Variants in LIMK2 observed in about 807,000 individuals in gnomAD.
LIMK2 encodes the protein LIM domain kinase 2.
A neutral mutation model predicts 75.7 loss-of-function variants in LIMK2; 35 were observed. The observed-to-expected ratio is 0.46, with a 90% confidence interval of 0.35 to 0.61. The LOEUF is 0.61. LIMK2 is among the 20% of genes least tolerant of loss of function. LIMK2 has a pLI of 0.00. For missense variants in LIMK2, 623 were observed against 831.0 expected, an observed-to-expected ratio of 0.75 and a Z score of 3.08; for synonymous variants, 301 against 319.2, an observed-to-expected ratio of 0.94 and a Z score of 0.61.
chr22:31,272,627 C>T lies in LIMK2; in HGVS notation c.1481C>T (p.Thr494Ile), dbSNP rs2048971039. ...PMEKATTKKR[T>I]LRKNDRKKRY... Reference sequence around the variant, plus strand: ...GAGAAGGCCACCACCAAGAAACGCACCTTGCGCAAGAACGACCGCAAGAAG... The same window carrying T: ...GAGAAGGCCACCACCAAGAAACGCATCTTGCGCAAGAACGACCGCAAGAAG... Residue 494 changes from threonine to isoleucine, a missense_variant, in exon 13 of 16, where the codon ACC becomes ATC. Thr to Ile is a moderately conservative substitution (Grantham distance 89). Coordinates refer to ENST00000331728, the MANE Select transcript of LIMK2 (RefSeq NM_005569.4). 1.2e-6 allele frequency: 2 copies of T among 1,614,022 alleles called. No individual in the cohort carries two copies. Among genetic ancestry groups the T allele is most frequent in the East Asian group, 4.5e-5 (2 of 44,850 alleles).
At chr22:31,275,493 A>AG in intron 15 of LIMK2, 185 bp downstream of exon 15, 1 of 600,046 alleles carries the variant, frequency 1.7e-6, no homozygotes, top group Non-Finnish European at 2.9e-6. Context: ...AGGTAAAGAC[A>AG]TAGCAGCAAG....
intron 1 of LIMK2, among the ~76,000 whole-genome samples, chr22:31,215,842 T>TA (rs1342953923): frequency 2.0e-5 from 3 of 152,226 alleles, no homozygotes; most frequent in African/African-American, 4.8e-5. Context: ...GACAAGCTGT[T>TA]ATAAGGCTTG....
rs1330501581 is a variant in LIMK2, at chr22:31,256,144, G to A, written c.117-2147G>A. Among the ~76,000 whole-genome samples the A allele has an allele frequency of 3.3e-5, 5 of 150,670 alleles. No individual in the cohort carries two copies. In the East Asian group the frequency reaches 9.7e-4, roughly 29 times the overall value. On this transcript the variant is annotated intron_variant, in intron 2 of 15. Coordinates refer to ENST00000331728, the MANE Select transcript of LIMK2 (RefSeq NM_005569.4). ...CTCCTGAGTAGCTGGGACTACCAGT[G>A]CACGCCACCACGCCCGGCTAATTTT...
chr22:31,235,244 G>A (rs945887854), intron 2 of LIMK2, among the ~76,000 whole-genome samples: 1 of 152,110 alleles, frequency 6.6e-6, no homozygotes, highest in South Asian at 2.1e-4. Context: ...TGTAAGTCAG[G>A]CTTTTCCCTG....
intron 2 of LIMK2, among the ~76,000 whole-genome samples, chr22:31,249,346 G>A (rs1196410463): frequency 2.6e-5 from 4 of 152,148 alleles, no homozygotes; most frequent in East Asian, 1.9e-4. Flanking sequence ...AGACCTGGGC[G>A]AGTGCTTCTA....
chr22:31,265,860 G>GGT, intron 7 of LIMK2, 86 bp from the exon 8 acceptor site: 1 of 1,022,034 alleles, frequency 9.8e-7, no homozygotes, highest in Non-Finnish European at 1.5e-6. Context: ...GGAATGAACA[G>GGT]GTGCCCCTAA....
At chr22:31,268,311 G>GT in intron 11 of LIMK2, 111 bp downstream of exon 11, 4 of 863,964 alleles carry the variant, frequency 4.6e-6, no homozygotes, top group South Asian at 4.0e-5. Flanking sequence ...TGTGGGCTGG[G>GT]TCAGCAGCTA....
intron 7 of LIMK2, 145 bp from the exon 8 acceptor site, chr22:31,265,801 G>A: frequency 4.7e-6 from 3 of 638,356 alleles, no homozygotes; most frequent in Non-Finnish European, 8.1e-6. Flanking sequence ...TGATACATCT[G>A]ATGTAAGAGC....
chr22:31,241,263 T>A (rs2048621620), intron 2 of LIMK2, among the ~76,000 whole-genome samples: 1 of 152,218 alleles, frequency 6.6e-6, no homozygotes, highest in Non-Finnish European at 1.5e-5. Flanking sequence ...AAATAGTTAT[T>A]TGAGGCAGTT....
intron 5 of LIMK2, among the ~76,000 whole-genome samples, chr22:31,260,971 A>G (rs1568997131): frequency 6.6e-6 from 1 of 152,186 alleles, no homozygotes; most frequent in Non-Finnish European, 1.5e-5. Flanking sequence ...GATCACTGGT[A>G]TGGAGGTTGG....
intron 11 of LIMK2, among the ~76,000 whole-genome samples, chr22:31,269,616 A>G (rs903439984): frequency 1.3e-5 from 2 of 151,926 alleles, no homozygotes; most frequent in Non-Finnish European, 2.9e-5. Context: ...AAAGAAAAAA[A>G]TGCAAAAATT....
chr22:31,244,806 T>G (rs1465786522), intron 2 of LIMK2, among the ~76,000 whole-genome samples: 1 of 152,222 alleles, frequency 6.6e-6, no homozygotes, highest in Admixed American at 6.5e-5. Context: ...AGGGCTTACA[T>G]GCAGTGCATT....
chr22:31,267,796 G>A lies in LIMK2; in HGVS notation c.1149G>A (p.Leu383=). 1.9e-6 allele frequency: 3 copies of A among 1,605,324 alleles called. 1 individual carries two copies. In the South Asian group the frequency reaches 3.3e-5, roughly 18 times the overall value. ...FLTEVKVMRS[L]DHPNVLKFIG... ...CCCAGGTGAAAGTGATGCGCAGCCT[G>A]GACCACCCCAATGTGCTCAAGTTCA... Residue 383 remains leucine (L), a synonymous_variant, in exon 10 of 16, where the codon CTG becomes CTA. Transcript: ENST00000331728.
At position 31,262,729 on chromosome 22, in the gene LIMK2, C is replaced by G. The variant is rs776548315; in HGVS notation, c.792C>G (p.His264Gln). 2 of 1,614,170 alleles carry G rather than the reference C, an allele frequency of 1.2e-6. No homozygotes were observed. The highest frequency in any genetic ancestry group is 1.7e-6 in the Non-Finnish European group (2 of 1,180,022). ...ACATGCAGAATGCCGGACACCCCCA[C>G]GCCCTCAGCACCCTGGACACCAAGG... ...APHMQNAGHP[H>Q]ALSTLDTKEN... Residue 264 changes from histidine (H) to glutamine (Q), a missense_variant, in exon 7 of 16, where the codon CAC (histidine) becomes CAG (glutamine). Coordinates refer to ENST00000331728, the MANE Select transcript of LIMK2 (RefSeq NM_005569.4). The surrounding 1 kb of genome is among the most constrained non-coding windows in gnomAD (Gnocchi z 5.0).
intron 2 of LIMK2, among the ~76,000 whole-genome samples, chr22:31,228,047 TGTGA>T (rs1182763846): frequency 6.8e-6 from 1 of 146,524 alleles, no homozygotes; most frequent in African/African-American, 2.6e-5. Flanking sequence ...TGTGTGTGTG[TGTGA>T]GATAGAGACA....
At chr22:31,254,976 AAG>A (rs2048763449) in intron 2 of LIMK2, among the ~76,000 whole-genome samples, 1 of 152,104 alleles carries the variant, frequency 6.6e-6, no homozygotes, top group Non-Finnish European at 1.5e-5. Context: ...AAAAAGAAAA[AAG>A]AAAAAATCCT....
At chr22:31,228,917 C>T (rs1272965666) in intron 2 of LIMK2, among the ~76,000 whole-genome samples, 1 of 151,708 alleles carries the variant, frequency 6.6e-6, no homozygotes, top group African/African-American at 2.4e-5. Flanking sequence ...GTACTCCATC[C>T]AGCTGGGGGA....
intron 2 of LIMK2, among the ~76,000 whole-genome samples, chr22:31,226,388 G>T (rs76251436): frequency 0.035 from 5,291 of 150,600 alleles, 284 homozygotes; most frequent in East Asian, 0.34. Context: ...TTTTAGTGGA[G>T]ACGGGGGTTT....
chr22:31,262,367 C>A lies in LIMK2; in HGVS notation c.657+128C>A. ...TTTGTCTTAGCATTGAGCCTGTGAC[C>A]ACTGGTGACCTATTTCAGCGTAACA... On this transcript the variant is annotated intron_variant, in intron 6 of 15. Coordinates refer to ENST00000331728, the MANE Select transcript of LIMK2 (RefSeq NM_005569.4). This position sits in a 1 kb window ranked among gnomAD's most constrained non-coding sequence, Gnocchi z 5.0. The A allele has an allele frequency of 1.2e-6, 1 of 840,802 alleles. No individual in the cohort carries two copies. The highest frequency in any genetic ancestry group is 1.9e-6 in the Non-Finnish European group (1 of 513,642). 52.1% of individuals were successfully genotyped at this position (840,802 alleles called of 1,614,324 possible). A position where few individuals can be genotyped will look rare whatever the true frequency, so the allele number is the denominator to read the frequency against.
Sources: allele counts gnomAD v4.1 joint callset (sites outside exome capture counted in the v4.1 genomes callset), GRCh38; gene constraint gnomAD v4.1.1; non-coding constraint Gnocchi (gnomAD v3.1); transcripts MANE v1.5; gene names NCBI Gene and HGNC (gene_info 2026-07-23, HGNC 2026-07-21).